CES5A: variants seen among roughly 807,000 people sequenced by gnomAD.
CES5A encodes carboxylesterase 5A.
Under a neutral mutation model 62.9 loss-of-function variants are expected in CES5A, and 67 were observed. The ratio of observed to expected loss-of-function variants is 1.07; its 90% CI spans 0.88 to 1.31. The LOEUF (loss-of-function observed/expected upper bound fraction) is 1.31. Ranked by LOEUF, CES5A falls within the 50% of genes most tolerant of loss-of-function variation. CES5A has a pLI of 0.00. For synonymous variants in CES5A, 296 were observed against 280.8 expected (o/e 1.05, Z -0.54); for missense variants, 748 against 708.5 (o/e 1.06, Z -0.63).
At position 55,846,168 on chromosome 16, in the gene CES5A, T is replaced by G. The variant is rs1793172921; in HGVS notation, c.*283A>C. The G allele has an allele frequency of 4.4e-6, 2 of 458,878 alleles. No homozygotes were observed. Among genetic ancestry groups the G allele is most frequent in the South Asian group, 2.5e-5 (1 of 40,530 alleles). 28.4% of individuals were successfully genotyped at this position (458,878 alleles called of 1,614,324 possible). ...GCCCCCGTATACCTATTTTACATTC[T>G]GATTTTATTTCATATGAGTTACAAA... is the stretch of plus-strand genomic sequence containing the variant. On this transcript the variant is annotated 3_prime_UTR_variant, in exon 13 of 13. Coordinates refer to ENST00000290567, the MANE Select transcript of CES5A (RefSeq NM_001143685.2).
intron 2 of CES5A, among the ~76,000 whole-genome samples, chr16:55,872,942 G>A (rs1331789071): frequency 6.6e-6 from 1 of 152,192 alleles, no homozygotes; most frequent in Non-Finnish European, 1.5e-5. Flanking sequence ...CAGTTATCAA[G>A]TTGGTTCGCA....
intron 7 of CES5A, among the ~76,000 whole-genome samples, 160 bp from the exon 8 acceptor site, chr16:55,859,847 A>G (rs1350696678): frequency 6.6e-6 from 1 of 152,186 alleles, no homozygotes; most frequent in African/African-American, 2.4e-5. Flanking sequence ...AGCTCAATAT[A>G]TCAGTCCCTG....
At chr16:55,880,336 C>T (rs1234613790), upstream of CES5A, among the ~76,000 whole-genome samples, 13 of 152,134 alleles carry the variant, frequency 8.5e-5, no homozygotes, top group Non-Finnish European at 7.4e-5. Context: ...AGGAGGAACC[C>T]TCAACAGAAG....
At chr16:55,946,408 T>C (rs1376437171) in intron 2 of CES5A, among the ~76,000 whole-genome samples, 1 of 152,190 alleles carries the variant, frequency 6.6e-6, no homozygotes, top group African/African-American at 2.4e-5. Context: ...CCCAGCTCCA[T>C]TCTATCAGTT....
At chr16:55,881,913 G>A (rs1279590589) in intron 1 of CES5A, among the ~76,000 whole-genome samples, 4 of 151,998 alleles carry the variant, frequency 2.6e-5, no homozygotes, top group African/African-American at 9.7e-5. Flanking sequence ...TACCTTAATG[G>A]GCAAAAAAAC....
chr16:55,905,322 C>T (rs2034029553), intron 1 of CES5A, among the ~76,000 whole-genome samples: 1 of 151,766 alleles, frequency 6.6e-6, no homozygotes, highest in South Asian at 2.1e-4. Flanking sequence ...TTGCTTTTCT[C>T]CTTTTATCCA....
upstream of CES5A, among the ~76,000 whole-genome samples, chr16:55,878,239 C>A (rs1299797510): frequency 6.6e-6 from 1 of 152,044 alleles, no homozygotes; most frequent in Non-Finnish European, 1.5e-5. Context: ...AAAATCAAAG[C>A]CCACTTTTGA....
In CES5A at chr16:55,846,268, A is replaced by G. The variant is rs1274978869; in HGVS notation, c.*183T>C. The G allele has an allele frequency of 1.7e-6, 1 of 602,196 alleles. No homozygotes were observed. Among genetic ancestry groups the G allele is most frequent in the East Asian group, 2.8e-5 (1 of 36,254 alleles). 37.3% of individuals were successfully genotyped at this position (602,196 alleles called of 1,614,324 possible). On this transcript the variant is annotated 3_prime_UTR_variant, in exon 13 of 13. Coordinates refer to ENST00000290567, the MANE Select transcript of CES5A (RefSeq NM_001143685.2). The stretch of plus-strand genomic sequence containing the variant: ...GAAATCTTGTTGCCTTCCAAGACAA[A>G]TTGCACTTTTTGATGTTGAAAAGAA...
At chr16:55,953,501 C>T (rs983891060) in intron 1 of CES5A, among the ~76,000 whole-genome samples, 1 of 151,694 alleles carries the variant, frequency 6.6e-6, no homozygotes, top group Non-Finnish European at 1.5e-5. Context: ...TTTAATGTAC[C>T]ACAGCAATGA....
intron 1 of CES5A, among the ~76,000 whole-genome samples, chr16:55,874,646 C>T (rs1331148375): frequency 1.3e-5 from 2 of 152,188 alleles, no homozygotes; most frequent in African/African-American, 4.8e-5. Context: ...CATGCAGATA[C>T]TTCCTGAAAT....
At chr16:55,869,564 T>G (rs1353550303) in intron 4 of CES5A, 47 bp downstream of exon 4, 5 of 1,602,430 alleles carry the variant, frequency 3.1e-6, no homozygotes, top group Non-Finnish European at 4.3e-6. Context: ...GCTACTGCAC[T>G]GCTGCCCTTT....
In CES5A at chr16:55,885,051, T is replaced by C. The variant is rs1383534588; in HGVS notation, c.-255-11014A>G. The stretch of plus-strand genomic sequence containing the variant: ...GCTGCCTTGATCTCACACTTAGCCA[T>C]TATCTGCTCATTAACAGCTCTCTGT... On this transcript the variant is annotated intron_variant, in intron 1 of 12. Coordinates refer to the CES5A transcript ENST00000518005. Among the ~76,000 whole-genome samples, 3 of 152,182 alleles carry C rather than the reference T, an allele frequency of 2.0e-5. No individual in the cohort carries two copies. The East Asian group carries it at 5.8e-4, about 29-fold the overall frequency.
At chr16:55,879,061 A>T (rs2033733270), upstream of CES5A, among the ~76,000 whole-genome samples, 1 of 129,564 alleles carries the variant, frequency 7.7e-6, no homozygotes, top group Admixed American at 7.8e-5. Flanking sequence ...ACATCACTGC[A>T]CCCCATCACT....
chr16:55,866,391 A>G (rs1239235371), intron 4 of CES5A, among the ~76,000 whole-genome samples: 1 of 152,168 alleles, frequency 6.6e-6, no homozygotes, highest in South Asian at 2.1e-4. Context: ...GAATCCATGA[A>G]TCCCAATCCA....
At chr16:55,935,629 C>T (rs1050729856) in intron 2 of CES5A, among the ~76,000 whole-genome samples, 29 of 152,216 alleles carry the variant, frequency 1.9e-4, no homozygotes, top group South Asian at 1.0e-3. Context: ...CCTCTTCCTA[C>T]AAGCCTTCCA....
chr16:55,934,649 T>C (rs1281328509), intron 2 of CES5A, among the ~76,000 whole-genome samples: 10 of 143,634 alleles, frequency 7.0e-5, no homozygotes, highest in Admixed American at 5.5e-4. Context: ...AACCAAGAAA[T>C]TGTGTGGGGT....
intron 1 of CES5A, among the ~76,000 whole-genome samples, chr16:55,955,382 A>T (rs1250382941): frequency 6.6e-6 from 1 of 152,242 alleles, no homozygotes; most frequent in Non-Finnish European, 1.5e-5. Context: ...ACCTTTAAAG[A>T]TGCATTTAAA....
chr16:55,955,966 T>C, exon 1 of CES5A: 1 of 1,410,490 alleles, frequency 7.1e-7, no homozygotes, highest in South Asian at 1.2e-5. Flanking sequence ...TTGCACATCA[T>C]GTACATGGTA....
At chr16:55,893,327 T>C (rs933910973) in intron 1 of CES5A, among the ~76,000 whole-genome samples, 1 of 151,390 alleles carries the variant, frequency 6.6e-6, no homozygotes, top group Admixed American at 6.6e-5. Flanking sequence ...AAAAAAAAAA[T>C]TGGAATCATA....
Sources: allele counts gnomAD v4.1 joint callset (sites outside exome capture counted in the v4.1 genomes callset), GRCh38; gene constraint gnomAD v4.1.1; transcripts MANE v1.5; gene names NCBI Gene and HGNC (gene_info 2026-07-23, HGNC 2026-07-21).